The following IQSEC3 variants were observed in gnomAD, a reference collection of about 807,000 sequenced individuals.
IQSEC3 encodes the protein IQ motif and SEC7 domain-containing protein 3.
IQSEC3 carries 50 observed loss-of-function variants against 105.4 expected under a neutral mutation model. The observed-to-expected ratio is 0.47, with a 90% CI of 0.38 to 0.60. The LOEUF (loss-of-function observed/expected upper bound fraction) is 0.60, where lower values mean the gene tolerates loss of function less well. Ranked by LOEUF, IQSEC3 falls within the 20% of genes least tolerant of loss-of-function variation. The pLI, the probability that IQSEC3 is intolerant of heterozygous loss-of-function variation, is 0.00. For synonymous variants in IQSEC3, 708 were observed against 746.0 expected (o/e 0.95, Z 0.83); for missense variants, 1,415 against 1,630.0 (o/e 0.87, Z 2.27).
intron 5 of IQSEC3, among the ~76,000 whole-genome samples, chr12:154,954 C>T (rs1219376207): frequency 6.6e-6 from 1 of 152,178 alleles, no homozygotes; most frequent in East Asian, 1.9e-4. Context: ...GCTCTGACCC[C>T]CTTGCTGCGT....
At position 165,492 on chromosome 12, in the gene IQSEC3, T is replaced by C. The variant is rs782268842; in HGVS notation, c.2768T>C (p.Val923Ala). The C allele has an allele frequency of 1.9e-6, 3 of 1,614,190 alleles. No homozygotes were observed. The highest frequency in any genetic ancestry group is 2.2e-5 in the South Asian group (2 of 91,082). Residue 923 changes from valine to alanine, a missense_variant, in exon 10 of 14, where the codon GTT (valine) becomes GCT (alanine). Val to Ala is a moderately conservative substitution (Grantham distance 64). Transcript: ENST00000538872. ...SSSTYTFCKS[V>A]GLLGMQFQLF... ...TCCACGTACACCTTTTGCAAGTCAGTTGGCCTGCTGGGCATGCAGTTCCAG... is the reference window on the plus strand; with the variant it reads ...TCCACGTACACCTTTTGCAAGTCAGCTGGCCTGCTGGGCATGCAGTTCCAG...
chr12:177,294 C>A lies in IQSEC3; in HGVS notation c.*2261C>A. ...ACCAAGGACAGGCAGGACCCCGTCC[C>A]CTGCTCACACAGCTCTTCAAACTTA... On this transcript the variant is annotated 3_prime_UTR_variant, in exon 14 of 14. Coordinates refer to ENST00000538872, the MANE Select transcript of IQSEC3 (RefSeq NM_001170738.2). The surrounding 1 kb of genome is among the most constrained non-coding windows in gnomAD (Gnocchi z 5.3). 1 of 107,470 alleles carries A rather than the reference C, an allele frequency of 9.3e-6. No individual in the cohort carries two copies. The highest frequency in any genetic ancestry group is 2.2e-5 in the Non-Finnish European group (1 of 45,362). The allele number at this position is 107,470 out of a possible 1,614,324, so 6.7% of individuals were successfully genotyped here.
chr12:69,324 T>TA (rs1863218161), intron 1 of IQSEC3, among the ~76,000 whole-genome samples: 1 of 152,290 alleles, frequency 6.6e-6, no homozygotes, highest in Admixed American at 6.5e-5. Flanking sequence ...CCCAAACCCT[T>TA]TCACTCAGTT....
At chr12:85,562 CAG>C (rs1863890296) in intron 1 of IQSEC3, among the ~76,000 whole-genome samples, 1 of 152,222 alleles carries the variant, frequency 6.6e-6, no homozygotes, top group African/African-American at 2.4e-5. Flanking sequence ...GGAAGAGAGA[CAG>C]TGGCATGGAG....
chr12:149,180 T>G (rs4980798), intron 5 of IQSEC3: 48,088 of 152,202 alleles, frequency 0.32, 8,628 homozygotes, highest in Admixed American at 0.42. Context: ...GGGGAGGCCT[T>G]AGCAAAACCG....
intron 2 of IQSEC3, among the ~76,000 whole-genome samples, chr12:109,520 C>T (rs921546169): frequency 1.3e-5 from 2 of 152,168 alleles, no homozygotes; most frequent in Non-Finnish European, 2.9e-5. Context: ...ACCCTTTCTA[C>T]ACCCTCCTGA....
intron 2 of IQSEC3, among the ~76,000 whole-genome samples, chr12:125,397 A>T (rs1412421218): frequency 6.6e-6 from 1 of 151,988 alleles, no homozygotes; most frequent in Non-Finnish European, 1.5e-5. Context: ...AGCCCTGGCC[A>T]TAGCTGCCCC....
chr12:116,112 C>G lies in IQSEC3; in HGVS notation c.624-9521C>G, dbSNP rs150047709. Among the ~76,000 whole-genome samples, 16 of 152,316 alleles carry G rather than the reference C, an allele frequency of 1.1e-4. No individual in the cohort carries two copies. The East Asian group carries it at 2.1e-3, about 20-fold the overall frequency. ...CAAAAGAGAAGATAGTTGCTACTTA[C>G]TAGGGCTTGCCAACCATTGTACGTG... is the stretch of plus-strand genomic sequence containing the variant. On this transcript the variant is annotated intron_variant, in intron 2 of 13. Transcript: ENST00000538872.
chr12:82,031 G>A (rs1010589647), intron 1 of IQSEC3, among the ~76,000 whole-genome samples: 14 of 152,204 alleles, frequency 9.2e-5, no homozygotes, highest in Admixed American at 3.3e-4. Context: ...GGGTTTGAGA[G>A]AGAAGGGAGG....
At chr12:86,668 C>T (rs943585726) in intron 1 of IQSEC3, among the ~76,000 whole-genome samples, 1 of 152,126 alleles carries the variant, frequency 6.6e-6, no homozygotes, top group Admixed American at 6.5e-5. Flanking sequence ...TATCAGCGCA[C>T]GGCCTAGTAC....
At chr12:98,999 A>G (rs1278937526) in intron 1 of IQSEC3, 147 bp from the exon 2 acceptor site, 4 of 648,124 alleles carry the variant, frequency 6.2e-6, no homozygotes, top group Non-Finnish European at 1.1e-5. Context: ...TGCCCAGAGC[A>G]GTGATTGGCT....
chr12:171,496 T>C (rs1222646198), intron 13 of IQSEC3: 1 of 614,176 alleles, frequency 1.6e-6, no homozygotes, highest in East Asian at 2.7e-5. Flanking sequence ...CAGCAAATGC[T>C]CACTGCTCAC....
chr12:88,827 A>C lies in IQSEC3; in HGVS notation c.555-10319A>C, dbSNP rs1014471766. The stretch of plus-strand genomic sequence containing the variant: ...CCAGAAAGAAGGAAGTCAAGATGGC[A>C]TCCTGGTAGGGCTCTGTTTGAAAGA... On this transcript the variant is annotated intron_variant, in intron 1 of 13. Coordinates refer to ENST00000538872, the MANE Select transcript of IQSEC3 (RefSeq NM_001170738.2). 3.9e-5 allele frequency among the ~76,000 whole-genome samples: 6 copies of C among 152,342 alleles called. No individual in the cohort carries two copies. The East Asian group carries it at 1.2e-3, about 29-fold the overall frequency.
intron 2 of IQSEC3, among the ~76,000 whole-genome samples, chr12:102,934 C>T (rs1295778621): frequency 6.6e-6 from 1 of 152,096 alleles, no homozygotes; most frequent in Non-Finnish European, 1.5e-5. Flanking sequence ...CCCAAACCCC[C>T]CTAGGAAGGC....
intron 2 of IQSEC3, among the ~76,000 whole-genome samples, chr12:118,596 T>C (rs1555081159): frequency 1.3e-5 from 2 of 150,826 alleles, no homozygotes; most frequent in East Asian, 1.9e-4. Context: ...AAAATGCTCC[T>C]GGTAGAGTCT....
rs190805444 is a variant in IQSEC3, at chr12:166,680, A to G, written c.2971+790A>G. Among the ~76,000 whole-genome samples, 109 of 152,360 alleles carry G rather than the reference A, an allele frequency of 7.2e-4. 3 individuals carry two copies. The highest frequency in any genetic ancestry group is 2.5e-3 in the African/African-American group (102 of 41,592). On this transcript the variant is annotated intron_variant, in intron 11 of 13. Transcript: ENST00000538872. ...GAAAATAGGCTTCAGGCCTGCCTCT[A>G]TGGCCACTTAGTTATAAAGTGTTTC...
At chr12:129,776 C>T (rs992122947) in intron 3 of IQSEC3, among the ~76,000 whole-genome samples, 37 of 152,232 alleles carry the variant, frequency 2.4e-4, no homozygotes, top group African/African-American at 7.7e-4. Context: ...CCCTGCTCCC[C>T]GAGCCGGGTC....
At chr12:68,569 C>G (rs1345055690) in intron 1 of IQSEC3, among the ~76,000 whole-genome samples, 15 of 152,390 alleles carry the variant, frequency 9.8e-5, no homozygotes, top group Middle Eastern at 3.4e-3. Context: ...TGCTTCTTTT[C>G]TCTGATTAGG....
chr12:169,618 C>T (rs781904277), intron 12 of IQSEC3, among the ~76,000 whole-genome samples: 98 of 152,294 alleles, frequency 6.4e-4, no homozygotes, highest in Admixed American at 2.7e-3. Flanking sequence ...CAGAGAGACC[C>T]TCAAACTCCA....
Sources: allele counts gnomAD v4.1 joint callset (sites outside exome capture counted in the v4.1 genomes callset), GRCh38; gene constraint gnomAD v4.1.1; non-coding constraint Gnocchi (gnomAD v3.1); transcripts MANE v1.5; gene names NCBI Gene and HGNC (gene_info 2026-07-23, HGNC 2026-07-21).